PIK3R5: variants seen among roughly 807,000 people sequenced by gnomAD.
PIK3R5 encodes the protein phosphoinositide-3-kinase regulatory subunit 5.
Under a neutral mutation model 94.9 loss-of-function variants are expected in PIK3R5, and 32 were observed. That is an observed-to-expected ratio of 0.34 (90% confidence interval 0.25 to 0.45). The LOEUF (loss-of-function observed/expected upper bound fraction) is 0.45, where lower values mean the gene tolerates loss of function less well. Among genes scored for constraint, PIK3R5 ranks in the 20% least tolerant of loss-of-function variants. The probability of loss-of-function intolerance (pLI) is 1.00; values close to 1 mark genes in which losing one functional copy is unlikely to be tolerated. For missense variants in PIK3R5, 853 were observed against 1,144.6 expected, an observed-to-expected ratio of 0.75 and a Z score of 3.68; for synonymous variants, 443 against 479.4, an observed-to-expected ratio of 0.92 and a Z score of 0.99.
In PIK3R5 at chr17:8,892,072, A is replaced by G. The variant is rs558852376; in HGVS notation, c.483-1160T>C. On this transcript the variant is annotated intron_variant, in intron 6 of 18. Coordinates refer to ENST00000447110, the MANE Select transcript of PIK3R5 (RefSeq NM_001142633.3). This position sits in a 1 kb window ranked among gnomAD's most constrained non-coding sequence, Gnocchi z 4.3. The stretch of plus-strand genomic sequence containing the variant: ...TTCGAGCCATGGCGGCTTTGTATCC[A>G]TAAATGCTTTAGTATGAGCTGCATG... Among the ~76,000 whole-genome samples the G allele has an allele frequency of 6.6e-6, 1 of 152,260 alleles. No homozygotes were observed. Among genetic ancestry groups the G allele is most frequent in the African/African-American group, 2.4e-5 (1 of 41,556 alleles).
At chr17:8,897,081 G>A (rs1341325833) in intron 5 of PIK3R5, among the ~76,000 whole-genome samples, 4 of 152,156 alleles carry the variant, frequency 2.6e-5, no homozygotes, top group Admixed American at 2.0e-4. Context: ...CATGTATAGC[G>A]CCTTCCTGCT....
chr17:8,921,443 T>C (rs1006066487), intron 1 of PIK3R5, among the ~76,000 whole-genome samples: 2 of 152,194 alleles, frequency 1.3e-5, no homozygotes, highest in African/African-American at 4.8e-5. Context: ...TTGCCAATTA[T>C]AGAATTGGCA....
At chr17:8,924,938 T>C (rs2090842196) in intron 1 of PIK3R5, among the ~76,000 whole-genome samples, 1 of 152,216 alleles carries the variant, frequency 6.6e-6, no homozygotes. Flanking sequence ...CAACTTACTA[T>C]GACATTAGGG....
At chr17:8,916,400 T>A (rs536239966) in intron 1 of PIK3R5, 4 of 152,282 alleles carry the variant, frequency 2.6e-5, no homozygotes, top group South Asian at 4.1e-4. Flanking sequence ...TTCCCTGGCA[T>A]CACCCTCCCA....
chr17:8,933,755 G>A (rs1298830423), intron 1 of PIK3R5, among the ~76,000 whole-genome samples: 4 of 152,062 alleles, frequency 2.6e-5, no homozygotes, highest in African/African-American at 9.7e-5. Flanking sequence ...TTACCCACTT[G>A]GAATGCTGTA....
chr17:8,963,421 C>T (rs2091600438), intron 1 of PIK3R5, among the ~76,000 whole-genome samples: 1 of 152,206 alleles, frequency 6.6e-6, no homozygotes, highest in South Asian at 2.1e-4. Context: ...GGGTATGGAG[C>T]AGCCTGCACC....
chr17:8,891,855 C>T (rs1040995313), intron 6 of PIK3R5, among the ~76,000 whole-genome samples: 12 of 152,012 alleles, frequency 7.9e-5, no homozygotes, highest in South Asian at 4.1e-4. Context: ...CCACCCGCGT[C>T]GGCCTCCCAA....
chr17:8,964,030 G>A (rs2091615644), intron 1 of PIK3R5, among the ~76,000 whole-genome samples: 1 of 152,190 alleles, frequency 6.6e-6, no homozygotes, highest in Non-Finnish European at 1.5e-5. Context: ...ACGGAAGCCA[G>A]CGTTCTACAA....
intron 1 of PIK3R5, among the ~76,000 whole-genome samples, chr17:8,938,332 T>A (rs763703718): frequency 4.3e-4 from 65 of 152,274 alleles, no homozygotes; most frequent in Non-Finnish European, 7.1e-4. Flanking sequence ...TCCTTTATTA[T>A]CTTTTCAATG....
At chr17:8,965,504 C>A (rs1354359405) in intron 1 of PIK3R5, 92 bp downstream of exon 1, 1 of 152,318 alleles carries the variant, frequency 6.6e-6, no homozygotes, top group Non-Finnish European at 1.5e-5. Flanking sequence ...CTCGCGGAGC[C>A]CACTCTCCCC....
At chr17:8,929,030 A>G (rs117504240) in intron 1 of PIK3R5, among the ~76,000 whole-genome samples, 1 of 152,346 alleles carries the variant, frequency 6.6e-6, no homozygotes, top group East Asian at 1.9e-4. Flanking sequence ...TGGTAAAATG[A>G]TAACAGTGGA....
At chr17:8,887,362 C>A in intron 11 of PIK3R5, 141 bp from the exon 12 acceptor site, 1 of 1,369,084 alleles carries the variant, frequency 7.3e-7, no homozygotes, top group Non-Finnish European at 1.0e-6. Flanking sequence ...CAGTCTTTGT[C>A]ATATGGCAAA....
At chr17:8,947,530 C>A (rs1353142655) in intron 1 of PIK3R5, among the ~76,000 whole-genome samples, 1 of 151,914 alleles carries the variant, frequency 6.6e-6, no homozygotes, top group African/African-American at 2.4e-5. Flanking sequence ...ACAACAACAA[C>A]AACAAGAGGC....
chr17:8,917,473 T>G (rs894972904), intron 1 of PIK3R5, among the ~76,000 whole-genome samples: 1 of 152,226 alleles, frequency 6.6e-6, no homozygotes, highest in African/African-American at 2.4e-5. Context: ...AAAATGGTAC[T>G]TTGACTGGAT....
Position 8,884,894 on chromosome 17 carries a change from C to T in PIK3R5, c.2129-111G>A, listed in dbSNP as rs1242171230. The stretch of plus-strand genomic sequence containing the variant: ...CCTCCCCATCCCCTACCACATGGAC[C>T]GTGACTCCCTAGGGATCTGTCTCAC... On this transcript the variant is annotated intron_variant, in intron 14 of 18. Coordinates refer to ENST00000447110, the MANE Select transcript of PIK3R5 (RefSeq NM_001142633.3). The surrounding 1 kb of genome is among the most constrained non-coding windows in gnomAD (Gnocchi z 5.8). 1.1e-5 allele frequency: 9 copies of T among 830,840 alleles called. No homozygotes were observed. Among genetic ancestry groups the T allele is most frequent in the Admixed American group, 1.9e-5 (1 of 52,092 alleles). 51.5% of individuals were successfully genotyped at this position (830,840 alleles called of 1,614,324 possible).
At chr17:8,920,023 A>G (rs1286047398) in intron 1 of PIK3R5, among the ~76,000 whole-genome samples, 1 of 150,730 alleles carries the variant, frequency 6.6e-6, no homozygotes, top group Non-Finnish European at 1.5e-5. Context: ...AGCTGAGATT[A>G]CAGGCATGCA....
chr17:8,940,831 G>T (rs552100033), intron 1 of PIK3R5, among the ~76,000 whole-genome samples: 1 of 152,328 alleles, frequency 6.6e-6, no homozygotes, highest in African/African-American at 2.4e-5. Flanking sequence ...AAAGTGTTGG[G>T]ATTACAGGTG....
chr17:8,950,666 A>G (rs1416978841), intron 1 of PIK3R5, among the ~76,000 whole-genome samples: 1 of 152,178 alleles, frequency 6.6e-6, no homozygotes. Context: ...CATGGTTTAT[A>G]TGTAGAACAT....
rs1284574260 is a variant in PIK3R5, at chr17:8,893,735, C to T, written c.413-80G>A. On this transcript the variant is annotated intron_variant, in intron 5 of 18. Coordinates refer to ENST00000447110, the MANE Select transcript of PIK3R5 (RefSeq NM_001142633.3). This position sits in a 1 kb window ranked among gnomAD's most constrained non-coding sequence, Gnocchi z 5.1. The stretch of plus-strand genomic sequence containing the variant: ...CGTGTGCCTCGTGGGGAGCCAAGCA[C>T]TGGACAATCAGGTTGGAAATTCCCG... 2.7e-6 allele frequency: 3 copies of T among 1,091,582 alleles called. No individual in the cohort carries two copies. The highest frequency in any genetic ancestry group is 1.8e-5 in the Admixed American group (1 of 56,114). 67.6% of individuals were successfully genotyped at this position (1,091,582 alleles called of 1,614,324 possible).
Sources: gnomAD v4.1 joint callset for allele counts (sites outside exome capture counted in the v4.1 genomes callset) on GRCh38, gnomAD v4.1.1 for gene constraint, Gnocchi (gnomAD v3.1) non-coding constraint, MANE v1.5 for transcripts, NCBI Gene and HGNC (gene_info 2026-07-23, HGNC 2026-07-21) for gene names.